ASTN2: variants seen among roughly 807,000 people sequenced by gnomAD.
The protein encoded by ASTN2 is astrotactin-2.
A neutral mutation model predicts 139.8 loss-of-function variants in ASTN2; 54 were observed. The ratio of observed to expected loss-of-function variants is 0.39; its 90% CI spans 0.31 to 0.48. The LOEUF (loss-of-function observed/expected upper bound fraction) is 0.48, where lower values mean the gene tolerates loss of function less well. Ranked by LOEUF, ASTN2 falls within the 20% of genes least tolerant of loss-of-function variation. ASTN2 has a pLI of 0.95. For missense variants in ASTN2, 1,565 were observed against 1,725.1 expected, an observed-to-expected ratio of 0.91 and a Z score of 1.64; for synonymous variants, 756 against 719.5, an observed-to-expected ratio of 1.05 and a Z score of -0.81.
chr9:116,624,200 ACT>A (rs1323270911), intron 17 of ASTN2, among the ~76,000 whole-genome samples: 1 of 152,024 alleles, frequency 6.6e-6, no homozygotes, highest in Non-Finnish European at 1.5e-5. Context: ...TGTATTTCTG[ACT>A]CTCTTGTTAC....
chr9:116,657,838 C>A (rs1295316820), intron 16 of ASTN2, among the ~76,000 whole-genome samples: 1 of 149,026 alleles, frequency 6.7e-6, no homozygotes, highest in Non-Finnish European at 1.5e-5. Context: ...GAGAACCTGT[C>A]TCAAAAAAAA....
intron 1 of ASTN2, among the ~76,000 whole-genome samples, chr9:117,410,178 T>C (rs935552822): frequency 2.0e-5 from 3 of 152,190 alleles, no homozygotes; most frequent in African/African-American, 4.8e-5. Context: ...TTTTGCTGAA[T>C]CAAAGCAGGT....
chr9:116,839,408 T>C (rs1832123342), intron 11 of ASTN2, among the ~76,000 whole-genome samples: 1 of 152,122 alleles, frequency 6.6e-6, no homozygotes, highest in African/African-American at 2.4e-5. Context: ...TATGATTCAG[T>C]TATTTTAAAT....
intron 19 of ASTN2, among the ~76,000 whole-genome samples, chr9:116,598,348 T>C (rs530758815): frequency 5.3e-5 from 8 of 152,184 alleles, no homozygotes; most frequent in African/African-American, 1.2e-4. Flanking sequence ...GAAGACCCCA[T>C]GTATGTGTCG....
At chr9:117,320,000 T>C (rs759871560) in intron 1 of ASTN2, among the ~76,000 whole-genome samples, 10 of 152,222 alleles carry the variant, frequency 6.6e-5, no homozygotes, top group Non-Finnish European at 8.8e-5. Context: ...AAATGAACTT[T>C]ATGGTTCTTT....
chr9:117,336,508 A>G (rs1005631622), intron 1 of ASTN2, among the ~76,000 whole-genome samples: 32 of 152,144 alleles, frequency 2.1e-4, no homozygotes, highest in African/African-American at 7.0e-4. Flanking sequence ...TCCTATCTGC[A>G]GGAGGAAGCC....
intron 5 of ASTN2, among the ~76,000 whole-genome samples, chr9:117,056,437 T>C (rs1839066704): frequency 6.6e-6 from 1 of 152,118 alleles, no homozygotes; most frequent in Non-Finnish European, 1.5e-5. Context: ...GGGCAACTCA[T>C]AGAACTTGCA....
chr9:117,247,878 T>C (rs1833428842), intron 2 of ASTN2, among the ~76,000 whole-genome samples: 1 of 152,230 alleles, frequency 6.6e-6, no homozygotes, highest in South Asian at 2.1e-4. Flanking sequence ...TATATGTGCC[T>C]GTTAGTAGTG....
At position 116,697,832 on chromosome 9, in the gene ASTN2, G is replaced by A. The variant is rs534259071; in HGVS notation, c.2806+27939C>T. On this transcript the variant is annotated intron_variant, in intron 16 of 22. Transcript: ENST00000313400. ...TCTGCATGGAGTCCTTCACAGAAGA[G>A]CAGCTGCGTCCCAAGCTTCTGCACT... 6.2e-5 allele frequency: 100 copies of A among 1,614,186 alleles called. No individual in the cohort carries two copies. The South Asian group carries it at 9.6e-4, about 15-fold the overall frequency.
intron 18 of ASTN2, among the ~76,000 whole-genome samples, chr9:116,618,967 T>C (rs1855990120): frequency 6.6e-6 from 1 of 151,988 alleles, no homozygotes; most frequent in South Asian, 2.1e-4. Flanking sequence ...AATAGAATGA[T>C]TAAAGGTTAG....
intron 2 of ASTN2, among the ~76,000 whole-genome samples, chr9:117,290,587 T>A (rs1443609362): frequency 1.3e-5 from 2 of 152,218 alleles, no homozygotes; most frequent in Non-Finnish European, 2.9e-5. Flanking sequence ...CACAATGAGA[T>A]AATTTCCATA....
At chr9:117,144,678 T>TGAGA (rs1168464862) in intron 3 of ASTN2, among the ~76,000 whole-genome samples, 9 of 61,082 alleles carry the variant, frequency 1.5e-4, no homozygotes, top group Non-Finnish European at 2.2e-4. Context: ...TTTTTTTTTT[T>TGAGA]TTTTTTTTTT....
At chr9:117,294,717 CTG>C (rs1157243975) in intron 1 of ASTN2, among the ~76,000 whole-genome samples, 1 of 152,206 alleles carries the variant, frequency 6.6e-6, no homozygotes, top group Non-Finnish European at 1.5e-5. Flanking sequence ...GTCCAGGCAA[CTG>C]TGTGTTATCG....
chr9:116,972,646 A>C (rs891819312), intron 10 of ASTN2, among the ~76,000 whole-genome samples: 3 of 152,112 alleles, frequency 2.0e-5, no homozygotes, highest in African/African-American at 7.2e-5. Flanking sequence ...ATCCTTCCTA[A>C]CATTTGTTAT....
chr9:117,401,189 G>A (rs1460033859), intron 1 of ASTN2, among the ~76,000 whole-genome samples: 3 of 152,074 alleles, frequency 2.0e-5, no homozygotes, highest in South Asian at 2.1e-4. Context: ...CTATCACCCT[G>A]ATTTCTGCCC....
At chr9:117,129,053 C>A (rs941725919) in intron 4 of ASTN2, among the ~76,000 whole-genome samples, 2 of 152,144 alleles carry the variant, frequency 1.3e-5, no homozygotes, top group Non-Finnish European at 2.9e-5. Context: ...GGTGGGCACA[C>A]AGAGCCAAAA....
rs540309838 is a variant in ASTN2, at chr9:117,124,400, T to C, written c.1168+16926A>G. ...ATTTGCCATAACAGGAAAAAAGATA[T>C]GATTCCTTCTATCATCTTGATGTGG... On this transcript the variant is annotated intron_variant, in intron 4 of 22. Transcript: ENST00000313400. 3.3e-5 allele frequency among the ~76,000 whole-genome samples: 5 copies of C among 152,278 alleles called. No homozygotes were observed. The South Asian group carries it at 1.0e-3, about 32-fold the overall frequency.
chr9:117,332,269 C>G (rs1411161322), intron 1 of ASTN2, among the ~76,000 whole-genome samples: 1 of 152,106 alleles, frequency 6.6e-6, no homozygotes, highest in East Asian at 1.9e-4. Flanking sequence ...TCACAACAAG[C>G]CTACAAAGTA....
intron 19 of ASTN2, among the ~76,000 whole-genome samples, chr9:116,539,065 A>T (rs942909521): frequency 6.6e-6 from 1 of 152,230 alleles, no homozygotes; most frequent in African/African-American, 2.4e-5. Flanking sequence ...AACCTTGAGA[A>T]CTAAGTGAAG....
Sources: gnomAD v4.1 joint callset for allele counts (sites outside exome capture counted in the v4.1 genomes callset) on GRCh38, gnomAD v4.1.1 for gene constraint, MANE v1.5 for transcripts, NCBI Gene and HGNC (gene_info 2026-07-23, HGNC 2026-07-21) for gene names.